GNG4: variants seen among roughly 807,000 people sequenced by gnomAD.
GNG4 encodes the protein G protein subunit gamma 4.
In GNG4, 4 loss-of-function variants were observed where a neutral mutation model predicts 5.8. The ratio of observed to expected loss-of-function variants is 0.69; its 90% CI spans 0.34 to 1.57. The LOEUF is 1.57. GNG4 is among the 40% of genes most tolerant of loss of function. The probability of loss-of-function intolerance (pLI) is 0.06; values close to 1 mark genes in which losing one functional copy is unlikely to be tolerated. For missense variants in GNG4, 96 were observed against 95.1 expected, an observed-to-expected ratio of 1.01 and a Z score of -0.04; for synonymous variants, 29 against 32.9, an observed-to-expected ratio of 0.88 and a Z score of 0.41.
intron 3 of GNG4, among the ~76,000 whole-genome samples, chr1:235,579,044 C>G (rs1687555150): frequency 6.6e-6 from 1 of 150,962 alleles, no homozygotes; most frequent in Non-Finnish European, 1.5e-5. Flanking sequence ...TTGCAGTGAG[C>G]CGAGATCATG....
At chr1:235,603,927 A>G (rs1191305281) in intron 1 of GNG4, among the ~76,000 whole-genome samples, 1 of 152,150 alleles carries the variant, frequency 6.6e-6, no homozygotes, top group Non-Finnish European at 1.5e-5. Context: ...CAGAATAAAC[A>G]ACAGAAAGAG....
chr1:235,587,483 TGGATGG>T (rs1363372766), intron 2 of GNG4, among the ~76,000 whole-genome samples: 7 of 608 alleles, frequency 0.012, no homozygotes, highest in Non-Finnish European at 0.019. Context: ...TGTGAGAGTG[TGGATGG>T]GGGGTGGGGG....
intron 1 of GNG4, among the ~76,000 whole-genome samples, chr1:235,596,835 A>G (rs1397451463): frequency 6.6e-6 from 1 of 151,622 alleles, no homozygotes; most frequent in Non-Finnish European, 1.5e-5. Flanking sequence ...CGAGCCTGCC[A>G]CCTGAGCCTC....
intron 3 of GNG4, among the ~76,000 whole-genome samples, chr1:235,581,610 T>A (rs1342829942): frequency 6.6e-6 from 1 of 151,846 alleles, no homozygotes; most frequent in African/African-American, 2.4e-5. Context: ...CCTTCTGCCA[T>A]GATTTTCAAT....
At chr1:235,579,095 T>C (rs1275352064) in intron 3 of GNG4, among the ~76,000 whole-genome samples, 5 of 121,414 alleles carry the variant, frequency 4.1e-5, no homozygotes, top group Non-Finnish European at 8.2e-5. Context: ...AGACTCCATC[T>C]CAAAAAAAAA....
chr1:235,584,394 C>T (rs1687712680), intron 2 of GNG4, among the ~76,000 whole-genome samples: 1 of 152,206 alleles, frequency 6.6e-6, no homozygotes, highest in African/African-American at 2.4e-5. Context: ...CTCAAATGGC[C>T]TCTCCTAACA....
Position 235,617,489 on chromosome 1 carries a change from C to T in GNG4, c.-122-21978G>A, listed in dbSNP as rs570290155. Among the ~76,000 whole-genome samples, 9 of 152,282 alleles carry T rather than the reference C, an allele frequency of 5.9e-5. No individual in the cohort carries two copies. The South Asian group carries it at 1.9e-3, about 32-fold the overall frequency. Reference sequence around the variant, plus strand: ...GTGGAGGTAATGTAGCTTCCTGGACCTCCTCTTTCAGGTCAACACTGACAG... The same window carrying T: ...GTGGAGGTAATGTAGCTTCCTGGACTTCCTCTTTCAGGTCAACACTGACAG... On this transcript the variant is annotated intron_variant, in intron 1 of 3. Transcript: ENST00000391854.
intron 1 of GNG4, among the ~76,000 whole-genome samples, chr1:235,617,489 C>G (rs570290155): frequency 6.6e-6 from 1 of 152,164 alleles, no homozygotes; most frequent in Non-Finnish European, 1.5e-5. Flanking sequence ...CTTCCTGGAC[C>G]TCCTCTTTCA....
intron 1 of GNG4, among the ~76,000 whole-genome samples, chr1:235,606,669 A>G (rs1161527133): frequency 9.9e-5 from 15 of 152,192 alleles, no homozygotes; most frequent in Admixed American, 8.5e-4. Context: ...TGAGAAGCAC[A>G]TGGCCAGCAG....
chr1:235,586,366 G>A (rs1176619320), intron 2 of GNG4, among the ~76,000 whole-genome samples: 2 of 151,750 alleles, frequency 1.3e-5, no homozygotes, highest in East Asian at 3.9e-4. Context: ...CAGTCTGTGT[G>A]TGGCCATCTC....
At chr1:235,580,726 G>A (rs1042370200) in intron 3 of GNG4, among the ~76,000 whole-genome samples, 2 of 150,298 alleles carry the variant, frequency 1.3e-5, no homozygotes, top group African/African-American at 4.9e-5. Context: ...ACAGCAACAT[G>A]GCGGCCTATC....
At chr1:235,627,396 T>C (rs138548201) in intron 1 of GNG4, among the ~76,000 whole-genome samples, 8,882 of 152,058 alleles carry the variant, frequency 0.058, 553 homozygotes, top group African/African-American at 0.16. Flanking sequence ...CTAATTTTTG[T>C]ATTTTTAGTA....
chr1:235,573,548 T>G (rs979097434), intron 3 of GNG4, among the ~76,000 whole-genome samples: 11 of 151,208 alleles, frequency 7.3e-5, no homozygotes, highest in Admixed American at 2.0e-4. Flanking sequence ...GAGGCCGAGG[T>G]GGGCGGATCA....
At chr1:235,575,295 C>A (rs114896375) in intron 3 of GNG4, among the ~76,000 whole-genome samples, 1 of 152,158 alleles carries the variant, frequency 6.6e-6, no homozygotes, top group Middle Eastern at 3.2e-3. Context: ...TCCGCATAAA[C>A]CCATCGTAAG....
intron 2 of GNG4, among the ~76,000 whole-genome samples, chr1:235,587,173 G>C (rs1400968511): frequency 6.8e-6 from 1 of 147,876 alleles, no homozygotes; most frequent in Non-Finnish European, 1.5e-5. Flanking sequence ...GCGTGTGAGA[G>C]TGTGTGGGGG....
At chr1:235,574,732 GCT>G (rs58718390) in intron 3 of GNG4, among the ~76,000 whole-genome samples, 22,317 of 151,992 alleles carry the variant, frequency 0.15, 1,822 homozygotes, top group Middle Eastern at 0.24. Flanking sequence ...TTAAAAAATA[GCT>G]CTTTCTCTTT....
chr1:235,645,533 C>T (rs1291053962), intron 1 of GNG4, among the ~76,000 whole-genome samples: 1 of 152,116 alleles, frequency 6.6e-6, no homozygotes, highest in Non-Finnish European at 1.5e-5. Context: ...CATGGTGGCT[C>T]ACACCTGTAA....
chr1:235,632,915 T>C (rs1426668050), intron 1 of GNG4, among the ~76,000 whole-genome samples: 1 of 152,182 alleles, frequency 6.6e-6, no homozygotes, highest in African/African-American at 2.4e-5. Context: ...AAATTGCTTT[T>C]AAAAGAGGAA....
chr1:235,634,898 C>T (rs921937997), intron 1 of GNG4, among the ~76,000 whole-genome samples: 14 of 152,096 alleles, frequency 9.2e-5, no homozygotes, highest in Admixed American at 8.5e-4. Context: ...GGTGCCATTG[C>T]ACTCCAGCCT....
Sources: gnomAD v4.1 joint callset for allele counts (sites outside exome capture counted in the v4.1 genomes callset) on GRCh38, gnomAD v4.1.1 for gene constraint, MANE v1.5 for transcripts, NCBI Gene and HGNC (gene_info 2026-07-23, HGNC 2026-07-21) for gene names.